ZNF540: variants seen among roughly 807,000 people sequenced by gnomAD.
ZNF540 encodes the protein zinc finger protein 540, also known as CTD-3064H18.6.
A neutral mutation model predicts 11.8 loss-of-function variants in ZNF540; 3 were observed. That is an observed-to-expected ratio of 0.25 (90% confidence interval 0.12 to 0.65). The LOEUF is 0.65. Ranked by LOEUF, ZNF540 falls within the 30% of genes least tolerant of loss-of-function variation. The pLI is 0.83. For synonymous variants in ZNF540, 247 were observed against 259.0 expected (o/e 0.95, Z 0.45); for missense variants, 709 against 793.1 (o/e 0.89, Z 1.27).
chr19:37,583,906 A>C, intron 1 of ZNF540: 1 of 1,511,048 alleles, frequency 6.6e-7, no homozygotes, highest in Non-Finnish European at 8.9e-7. Context: ...GAGATCAGAA[A>C]TTCACAATGA....
At chr19:37,584,023 C>A in intron 1 of ZNF540, 1 of 1,613,980 alleles carries the variant, frequency 6.2e-7, no homozygotes, top group Non-Finnish European at 8.5e-7. Context: ...TGTACAAGTC[C>A]CTCTGAGCAG....
At chr19:37,572,637 G>C (rs2043102915) in intron 1 of ZNF540, among the ~76,000 whole-genome samples, 1 of 152,188 alleles carries the variant, frequency 6.6e-6, no homozygotes, top group African/African-American at 2.4e-5. Context: ...TTTTTGCTAA[G>C]AAAGTATGCA....
rs113482192 is a variant in ZNF540 at position 37,584,212 on chromosome 19, G to C, written c.-72-14164G>C. ...AAGTAACACAAAACAACAGGAAATT[G>C]GTTGCCTAAACAGTAGTATTAACCT... is the stretch of plus-strand genomic sequence containing the variant. On this transcript the variant is annotated intron_variant, in intron 1 of 4. Coordinates refer to the ZNF540 transcript ENST00000592533. 282 of 1,500,536 alleles carry C rather than the reference G, an allele frequency of 1.9e-4. 3 individuals are homozygous for C. In the African/African-American group the frequency reaches 3.0e-3, roughly 16 times the overall value. 93.0% of individuals were successfully genotyped at this position (1,500,536 alleles called of 1,614,324 possible).
intron 1 of ZNF540, among the ~76,000 whole-genome samples, chr19:37,588,377 G>A (rs995407508): frequency 1.3e-5 from 2 of 152,186 alleles, no homozygotes; most frequent in South Asian, 2.1e-4. Flanking sequence ...GTTGGATACT[G>A]TAAAAAGGAA....
At chr19:37,604,542 T>C (rs894416127) in intron 4 of ZNF540, among the ~76,000 whole-genome samples, 4 of 151,824 alleles carry the variant, frequency 2.6e-5, no homozygotes, top group African/African-American at 7.3e-5. Flanking sequence ...CTCCTGACCT[T>C]GTGATCCGCC....
At chr19:37,576,910 C>CT (rs1049485797) in intron 1 of ZNF540, among the ~76,000 whole-genome samples, 22 of 151,118 alleles carry the variant, frequency 1.5e-4, no homozygotes, top group Non-Finnish European at 2.5e-4. Context: ...GCTTATATCC[C>CT]TTTTTTTTTG....
intron 4 of ZNF540, among the ~76,000 whole-genome samples, chr19:37,602,793 T>A (rs1234374955): frequency 6.6e-6 from 1 of 152,102 alleles, no homozygotes; most frequent in Non-Finnish European, 1.5e-5. Flanking sequence ...CTATAGGATA[T>A]GGCAGGAAAG....
chr19:37,565,387 G>A, intron 1 of ZNF540: 1 of 1,613,062 alleles, frequency 6.2e-7, no homozygotes, highest in South Asian at 1.1e-5. Context: ...TCAGTTGGGA[G>A]GCACATAAAA....
intron 1 of ZNF540, chr19:37,555,876 G>A (rs1368758231): frequency 2.7e-5 from 19 of 700,440 alleles, no homozygotes; most frequent in Non-Finnish European, 4.4e-5. Context: ...AATTTAGGAC[G>A]AGAAGCACGA....
intron 1 of ZNF540, among the ~76,000 whole-genome samples, chr19:37,557,570 C>G (rs2042673846): frequency 6.6e-6 from 1 of 152,156 alleles, no homozygotes; most frequent in South Asian, 2.1e-4. Flanking sequence ...ACTCCCTGCT[C>G]GAGAAAGCTG....
At chr19:37,551,965 G>T (rs2147132299) in intron 1 of ZNF540, among the ~76,000 whole-genome samples, 1 of 152,196 alleles carries the variant, frequency 6.6e-6, no homozygotes, top group East Asian at 1.9e-4. Context: ...TTTCTTGGGG[G>T]TCATTGATTT....
chr19:37,606,430 T>C (rs185423839), intron 4 of ZNF540, among the ~76,000 whole-genome samples: 1 of 152,340 alleles, frequency 6.6e-6, no homozygotes, highest in Admixed American at 6.5e-5. Context: ...TTCATCTTAG[T>C]TGGATTCATA....
rs962723519 is a variant in ZNF540 at position 37,613,391 on chromosome 19, C to T, written c.*128C>T. 13 of 624,324 alleles carry T rather than the reference C, an allele frequency of 2.1e-5. No individual in the cohort carries two copies. The highest frequency in any genetic ancestry group is 3.6e-5 in the Admixed American group (1 of 27,702). The allele number at this position is 624,324 out of a possible 1,614,324, so 38.7% of individuals were successfully genotyped here. ...TAATAAATGTATGAGTCTTAAATAC[C>T]TCTTAGTTCTCATTAAATTTAGGAA... On this transcript the variant is annotated 3_prime_UTR_variant, in exon 5 of 5. Transcript: ENST00000316433.
At chr19:37,611,252 C>T (rs1193888205) in intron 4 of ZNF540, 1 of 226,640 alleles carries the variant, frequency 4.4e-6, no homozygotes, top group Non-Finnish European at 8.7e-6. Flanking sequence ...GTCTTGAACT[C>T]CTGACCTCAG....
chr19:37,564,722 C>G, intron 1 of ZNF540: 1 of 1,613,576 alleles, frequency 6.2e-7, no homozygotes, highest in Non-Finnish European at 8.5e-7. Flanking sequence ...TTCTGAGCCA[C>G]GACTAAAGGC....
chr19:37,587,335 C>T (rs746776572), intron 1 of ZNF540: 1 of 152,220 alleles, frequency 6.6e-6, no homozygotes, highest in Non-Finnish European at 1.5e-5. Flanking sequence ...TGAATAAAGT[C>T]ATTCCTTACC....
chr19:37,583,138 A>C (rs1338580579), intron 1 of ZNF540, among the ~76,000 whole-genome samples: 1 of 152,168 alleles, frequency 6.6e-6, no homozygotes, highest in East Asian at 1.9e-4. Context: ...CTGCCTGAAC[A>C]CACCTTTCCC....
intron 4 of ZNF540, 98 bp downstream of exon 4, chr19:37,601,203 T>A (rs2044037196): frequency 2.0e-6 from 2 of 1,014,598 alleles, no homozygotes; most frequent in Non-Finnish European, 2.9e-6. Context: ...GTTTAGGGAG[T>A]TACTCTCAGA....
At chr19:37,607,940 T>A (rs1050731958) in intron 4 of ZNF540, among the ~76,000 whole-genome samples, 13 of 152,322 alleles carry the variant, frequency 8.5e-5, no homozygotes, top group African/African-American at 2.9e-4. Context: ...TGAATGAGAG[T>A]TCCTGTTGCT....
Sources: gnomAD v4.1 joint callset for allele counts (sites outside exome capture counted in the v4.1 genomes callset) on GRCh38, gnomAD v4.1.1 for gene constraint, MANE v1.5 for transcripts, NCBI Gene and HGNC (gene_info 2026-07-23, HGNC 2026-07-21) for gene names.